The following HGS variants were observed in gnomAD, a reference collection of about 807,000 sequenced individuals.
The protein encoded by HGS is hepatocyte growth factor-regulated tyrosine kinase substrate, also known as human growth factor-regulated tyrosine kinase substrate.
In HGS, 63 loss-of-function variants were observed where a neutral mutation model predicts 109.7. That is an observed-to-expected ratio of 0.57 (90% CI 0.47 to 0.71). The LOEUF (loss-of-function observed/expected upper bound fraction) is 0.71. Ranked by LOEUF, HGS falls within the 30% of genes least tolerant of loss-of-function variation. The probability of loss-of-function intolerance (pLI) is 0.00; values close to 1 mark genes in which losing one functional copy is unlikely to be tolerated. For missense variants in HGS, 995 were observed against 1,068.3 expected (o/e 0.93, Z 0.96); for synonymous variants, 546 against 437.3 (o/e 1.25, Z -3.10).
chr17:81,684,809 G>A, intron 1 of HGS: 1 of 729,354 alleles, frequency 1.4e-6, no homozygotes. Context: ...TTTTTGTCAA[G>A]TAGGGTTTTC....
At chr17:81,694,105 G>T (rs562473853) in intron 11 of HGS, 140 bp downstream of exon 11, 5 of 692,572 alleles carry the variant, frequency 7.2e-6, no homozygotes, top group Non-Finnish European at 1.2e-5. Flanking sequence ...CCCAGCACAC[G>T]GGCGGACATC....
chr17:81,696,254 C>A, intron 15 of HGS, 103 bp from the exon 16 acceptor site: 1 of 1,374,004 alleles, frequency 7.3e-7, no homozygotes, highest in Non-Finnish European at 9.6e-7. Flanking sequence ...GAGCCCTCTG[C>A]AGAAGGTTGG....
At position 81,691,611 on chromosome 17, in the gene HGS, G is replaced by C. The variant is rs1314892366; in HGVS notation, c.662+40G>C. On this transcript the variant is annotated intron_variant, in intron 8 of 21. Transcript: ENST00000329138. The surrounding 1 kb of genome is among the most constrained non-coding windows in gnomAD (Gnocchi z 5.3). ...CCCATTTGGGCTGCAGGTGGGGCAG[G>C]CTCTCCAGGCTGGGTTTTCTGTCCC... 13 of 1,611,586 alleles carry C rather than the reference G, an allele frequency of 8.1e-6. No homozygotes were observed. Among genetic ancestry groups the C allele is most frequent in the Non-Finnish European group, 1.1e-5 (13 of 1,178,674 alleles).
rs768085790 is a variant in HGS at position 81,695,947 on chromosome 17, C to G, written c.1341C>G (p.Asn447Lys). Residue 447 changes from asparagine (N) to lysine (K), a missense_variant, in exon 15 of 22, where the codon AAC (asparagine) becomes AAG (lysine). Physicochemically the swap from Asn to Lys is moderately conservative, Grantham distance 94. Coordinates refer to ENST00000329138, the MANE Select transcript of HGS (RefSeq NM_004712.5). Reference protein sequence around the residue: ...SAVLSLFQSINGMHPQLLELL... With the variant: ...SAVLSLFQSIKGMHPQLLELL... ...TGCTCTCACTCTTCCAGTCCATCAA[C>G]GGCATGCACCCGCAGCTGCTGGAGC... The G allele has an allele frequency of 1.3e-6, 2 of 1,584,386 alleles. No homozygotes were observed. Among genetic ancestry groups the G allele is most frequent in the South Asian group, 1.1e-5 (1 of 87,136 alleles).
At chr17:81,692,812 C>T (rs1281666246) in intron 8 of HGS, 1 of 152,108 alleles carries the variant, frequency 6.6e-6, no homozygotes, top group Non-Finnish European at 1.5e-5. Flanking sequence ...GAAATCCCGT[C>T]TCTACTTTTT....
intron 18 of HGS, among the ~76,000 whole-genome samples, chr17:81,698,828 G>C (rs962713053): frequency 2.0e-5 from 3 of 152,206 alleles, no homozygotes; most frequent in Non-Finnish European, 4.4e-5. Flanking sequence ...CAACACTTTG[G>C]GAGGCCAAGG....
chr17:81,689,011 T>G (rs1440802229), intron 5 of HGS, among the ~76,000 whole-genome samples, 184 bp downstream of exon 5: 1 of 152,214 alleles, frequency 6.6e-6, no homozygotes, highest in African/African-American at 2.4e-5. Flanking sequence ...GGCTCCTGCC[T>G]TTCTGGACCC....
At chr17:81,688,069 G>A (rs979985579) in intron 4 of HGS, among the ~76,000 whole-genome samples, 1 of 152,234 alleles carries the variant, frequency 6.6e-6, no homozygotes, top group African/African-American at 2.4e-5. Flanking sequence ...ATGCAGAGGG[G>A]TTCTGGAAAG....
intron 14 of HGS, 119 bp downstream of exon 14, chr17:81,695,342 CCCCAG>C (rs1353123991): frequency 2.7e-6 from 3 of 1,106,850 alleles, no homozygotes; most frequent in Non-Finnish European, 4.0e-6. Context: ...AGGGTGTCTG[CCCCAG>C]CCCAGCCCTG....
intron 2 of HGS, 58 bp downstream of exon 2, chr17:81,685,747 T>C: frequency 2.9e-6 from 4 of 1,378,102 alleles, no homozygotes; most frequent in Non-Finnish European, 4.1e-6. Flanking sequence ...TAAGCTGGGC[T>C]CGCTTGGTGC....
intron 15 of HGS, 53 bp downstream of exon 15, chr17:81,696,052 C>A: frequency 6.9e-7 from 1 of 1,453,332 alleles, no homozygotes; most frequent in African/African-American, 1.4e-5. Context: ...GTGTTGTGAG[C>A]GCCATCCTGG....
chr17:81,697,015 G>A lies in HGS; in HGVS notation c.1882+17G>A. On this transcript the variant is annotated intron_variant, in intron 18 of 21. Coordinates refer to ENST00000329138, the MANE Select transcript of HGS (RefSeq NM_004712.5). ...CTGCGGCTGGTAAGGACGGGTCGGG[G>A]CAGAGACCATGCCTTTTATCCCTCG... 1 of 1,543,672 alleles carries A rather than the reference G, an allele frequency of 6.5e-7. No homozygotes were observed. The highest frequency in any genetic ancestry group is 8.7e-7 in the Non-Finnish European group (1 of 1,147,554).
intron 18 of HGS, among the ~76,000 whole-genome samples, chr17:81,699,884 G>T (rs1425024533): frequency 6.7e-6 from 1 of 148,804 alleles, no homozygotes; most frequent in Admixed American, 6.7e-5. Context: ...ACACCAGCCT[G>T]ACCAACATGG....
At chr17:81,688,253 T>C (rs2037011210) in intron 4 of HGS, among the ~76,000 whole-genome samples, 1 of 151,208 alleles carries the variant, frequency 6.6e-6, no homozygotes, top group African/African-American at 2.5e-5. Context: ...CCGCTCTGAA[T>C]TTGGAGGCAT....
Position 81,695,829 on chromosome 17 carries a change from TC to T in HGS, c.1225del (p.Leu409Ter). On this transcript the variant is annotated frameshift_variant, in exon 15 of 22. Transcript: ENST00000329138. LOFTEE classifies it high-confidence loss of function. ...GAGTCTGAGGAGAGCCACGAGCAGT[TC>T]CTGAAGGCGCTGCAGAACGCCGTCA... ...NGESEESHEQFLKALQNAVTT... is the reference protein window; with the variant it reads ...NGESEESHEQXLKALQNAVTT... 1.2e-6 allele frequency: 2 copies of T among 1,613,452 alleles called. No homozygotes were observed. Among genetic ancestry groups the T allele is most frequent in the Non-Finnish European group, 1.7e-6 (2 of 1,179,982 alleles).
At position 81,684,091 on chromosome 17, in the gene HGS, G is replaced by T. The variant is rs866738234; in HGVS notation, c.25G>T (p.Glu9Ter). 6.3e-7 allele frequency: 1 copy of T among 1,592,606 alleles called. No homozygotes were observed. Among genetic ancestry groups the T allele is most frequent in the Non-Finnish European group, 8.5e-7 (1 of 1,171,726 alleles). Residue 9 changes from glutamate (E) to a stop codon, truncating the protein, a stop_gained, in exon 1 of 22, where the codon GAG (glutamate) becomes TAG (stop). Coordinates refer to ENST00000329138, the MANE Select transcript of HGS (RefSeq NM_004712.5). LOFTEE classifies it high-confidence loss of function. ...CATGGGGCGAGGCAGCGGCACCTTC[G>T]AGCGTCTCCTAGGTAACGCGTCCCC... MGRGSGTF[E>*]RLLDKATSQL... is the part of the protein sequence containing the mutation.
chr17:81,690,586 C>T lies in HGS; in HGVS notation c.469-88C>T, dbSNP rs539873190. On this transcript the variant is annotated intron_variant, in intron 6 of 21. Coordinates refer to ENST00000329138, the MANE Select transcript of HGS (RefSeq NM_004712.5). ...CTCGTGCTGGGGTCCTCTCTGGGTCCGTTGCCTTCTGTGGGGCAGGGGAGG... is the reference window on the plus strand; with the variant it reads ...CTCGTGCTGGGGTCCTCTCTGGGTCTGTTGCCTTCTGTGGGGCAGGGGAGG... The T allele has an allele frequency of 5.3e-5, 70 of 1,328,448 alleles. 1 individual carries two copies. The South Asian group carries it at 8.2e-4, about 16-fold the overall frequency. 82.3% of individuals were successfully genotyped at this position (1,328,448 alleles called of 1,614,324 possible). A position where few individuals can be genotyped will look rare whatever the true frequency, so the allele number is the denominator to read the frequency against.
chr17:81,689,135 C>T (rs2037027134), intron 5 of HGS, among the ~76,000 whole-genome samples: 1 of 152,316 alleles, frequency 6.6e-6, no homozygotes, highest in Non-Finnish European at 1.5e-5. Context: ...GCTGTGCAGT[C>T]AGGGAAGGCC....
At chr17:81,698,777 C>A (rs1335242095) in intron 18 of HGS, among the ~76,000 whole-genome samples, 5 of 152,178 alleles carry the variant, frequency 3.3e-5, no homozygotes, top group African/African-American at 9.6e-5. Flanking sequence ...ATGATAAAAA[C>A]CGTGAGTGCA....
Sources: gnomAD v4.1 joint callset for allele counts (sites outside exome capture counted in the v4.1 genomes callset) on GRCh38, gnomAD v4.1.1 for gene constraint, Gnocchi (gnomAD v3.1) non-coding constraint, MANE v1.5 for transcripts, NCBI Gene and HGNC (gene_info 2026-07-23, HGNC 2026-07-21) for gene names.